FBLN1: variants seen among roughly 807,000 people sequenced by gnomAD.
FBLN1 encodes fibulin-1.
A neutral mutation model predicts 89.7 loss-of-function variants in FBLN1; 34 were observed. The observed-to-expected ratio is 0.38, with a 90% confidence interval of 0.29 to 0.50. FBLN1 has a LOEUF of 0.50. FBLN1 is among the 20% of genes least tolerant of loss of function. The pLI, the probability that FBLN1 is intolerant of heterozygous loss-of-function variation, is 0.92. For missense variants in FBLN1, 777 were observed against 988.1 expected, an observed-to-expected ratio of 0.79 and a Z score of 2.86; for synonymous variants, 393 against 391.3, an observed-to-expected ratio of 1.00 and a Z score of -0.05.
In FBLN1 at chr22:45,524,802, A is replaced by G. The variant is rs1250418949; in HGVS notation, c.186-741A>G. Among the ~76,000 whole-genome samples, 5 of 152,240 alleles carry G rather than the reference A, an allele frequency of 3.3e-5. No individual in the cohort carries two copies. In the South Asian group the frequency reaches 8.3e-4, roughly 25 times the overall value. On this transcript the variant is annotated intron_variant, in intron 2 of 16. Transcript: ENST00000327858. ...TCTGTCTTTCTTTTTTTAAAAAAAG[A>G]GGCCAGGCATGGTAGCTCACGCCTG...
rs2089103287 is a variant in FBLN1 at position 45,588,020 on chromosome 22, C to G, written c.1972+10912C>G. Among the ~76,000 whole-genome samples, 1 of 152,330 alleles carries G rather than the reference C, an allele frequency of 6.6e-6. No individual in the cohort carries two copies. Among genetic ancestry groups the G allele is most frequent in the East Asian group, 1.9e-4 (1 of 5,188 alleles). ...CTGAGGAATGCAGCAGTGACTAAGG[C>G]AGACATGAACGCCTCTCTCATACAC... On this transcript the variant is annotated intron_variant, in intron 16 of 16. Coordinates refer to ENST00000327858, the MANE Select transcript of FBLN1 (RefSeq NM_006486.3). The surrounding 1 kb of genome is among the most constrained non-coding windows in gnomAD (Gnocchi z 5.1).
chr22:45,598,288 T>G (rs2089202901), intron 16 of FBLN1, among the ~76,000 whole-genome samples: 1 of 152,214 alleles, frequency 6.6e-6, no homozygotes, highest in Non-Finnish European at 1.5e-5. Flanking sequence ...CTTTCAGTGT[T>G]GCCACGTGGT....
Position 45,562,828 on chromosome 22 carries a change from C to T in FBLN1, c.1698-11683C>T, listed in dbSNP as rs961520053. ...GCGGCGGGAGGCCCCGCCTGCCAGC[C>T]CCGCATCCCCGCGCTCTGCCGTTTC... On this transcript the variant is annotated intron_variant, in intron 14 of 16. Coordinates refer to ENST00000327858, the MANE Select transcript of FBLN1 (RefSeq NM_006486.3). The surrounding 1 kb of genome is among the most constrained non-coding windows in gnomAD (Gnocchi z 7.8). The T allele has an allele frequency of 2.0e-5, 28 of 1,366,892 alleles. No homozygotes were observed. Among genetic ancestry groups the T allele is most frequent in the African/African-American group, 2.8e-5 (2 of 70,468 alleles). 84.7% of individuals were successfully genotyped at this position (1,366,892 alleles called of 1,614,324 possible).
chr22:45,599,698 A>T (rs1475568814), intron 16 of FBLN1, among the ~76,000 whole-genome samples: 2 of 152,044 alleles, frequency 1.3e-5, no homozygotes, highest in Non-Finnish European at 2.9e-5. Flanking sequence ...CGGGTGGATC[A>T]CCTGAGGTCA....
chr22:45,505,226 G>A (rs1569229891), intron 1 of FBLN1, among the ~76,000 whole-genome samples: 1 of 152,366 alleles, frequency 6.6e-6, no homozygotes, highest in East Asian at 1.9e-4. Flanking sequence ...AGGAAAAGAC[G>A]ATTGTGTTTT....
intron 13 of FBLN1, 32 bp downstream of exon 13, chr22:45,548,776 C>G (rs751652567): frequency 1.2e-6 from 2 of 1,610,492 alleles, no homozygotes; most frequent in East Asian, 2.2e-5. Context: ...GGGTCCCTCA[C>G]GCTCTGCTTG....
rs1439325490 is a variant in FBLN1 at position 45,577,432 on chromosome 22, AC to A, written c.1972+327del. Among the ~76,000 whole-genome samples, 3 of 151,846 alleles carry A rather than the reference AC, an allele frequency of 2.0e-5. 1 individual carries two copies. The highest frequency in any genetic ancestry group is 4.2e-4 in the South Asian group (2 of 4,798). On this transcript the variant is annotated intron_variant, in intron 16 of 16. Coordinates refer to ENST00000327858, the MANE Select transcript of FBLN1 (RefSeq NM_006486.3). The surrounding 1 kb of genome is among the most constrained non-coding windows in gnomAD (Gnocchi z 6.6). Reference sequence around the variant, plus strand: ...ACAACCATGAATTTCAAATGATACCACCCAAGTAAAGTGCTTGTCCTGAGGG... The same window carrying A: ...ACAACCATGAATTTCAAATGATACCACCAAGTAAAGTGCTTGTCCTGAGGG...
In FBLN1 at chr22:45,570,355, GAA is replaced by G. The variant is rs56383142; in HGVS notation, c.1698-4147_1698-4146del. On this transcript the variant is annotated intron_variant, in intron 14 of 16. Transcript: ENST00000327858. The stretch of plus-strand genomic sequence containing the variant: ...AAAAAAAAAAGAAAAGAAAAGAAAA[GAA>G]AAAAAAAAGAAAAAGAAAAAAAGAA... Among the ~76,000 whole-genome samples, 15 of 108,634 alleles carry G rather than the reference GAA, an allele frequency of 1.4e-4. No homozygotes were observed. In the South Asian group the frequency reaches 1.7e-3, roughly 12 times the overall value. 71.3% of individuals were successfully genotyped at this position (108,634 alleles called of 152,430 possible).
rs2089019977 is a variant in FBLN1, at chr22:45,578,819, C to T, written c.1972+1711C>T. Among the ~76,000 whole-genome samples, 1 of 152,240 alleles carries T rather than the reference C, an allele frequency of 6.6e-6. No individual in the cohort carries two copies. Among genetic ancestry groups the T allele is most frequent in the South Asian group, 2.1e-4 (1 of 4,834 alleles). On this transcript the variant is annotated intron_variant, in intron 16 of 16. Coordinates refer to ENST00000327858, the MANE Select transcript of FBLN1 (RefSeq NM_006486.3). This position sits in a 1 kb window ranked among gnomAD's most constrained non-coding sequence, Gnocchi z 4.6. ...ATCCTAGGACCTTCTAGTTCACTCA[C>T]TCATTCTTTCCGTTTCTGAACCCTT... is the stretch of plus-strand genomic sequence containing the variant.
chr22:45,541,141 G>A lies in FBLN1; in HGVS notation c.923-88G>A, dbSNP rs141878091. ...CATTTGTGGTTTTGCAAAGAGGTGG[G>A]AAGGGGAGTTTCTTTGGAGATCCAG... is the stretch of plus-strand genomic sequence containing the variant. On this transcript the variant is annotated intron_variant, in intron 8 of 16. Coordinates refer to ENST00000327858, the MANE Select transcript of FBLN1 (RefSeq NM_006486.3). The A allele has an allele frequency of 7.5e-4, 1,164 of 1,550,548 alleles. 4 individuals carry two copies. The highest frequency in any genetic ancestry group is 4.9e-3 in the Middle Eastern group (27 of 5,512).
intron 1 of FBLN1, among the ~76,000 whole-genome samples, chr22:45,507,158 G>GGGGCTGGGCCTAGAGCT (rs1047437855): frequency 5.9e-5 from 9 of 152,136 alleles, no homozygotes; most frequent in Non-Finnish European, 1.0e-4. Context: ...GAGCGGGGCT[G>GGGGCTGGGCCTAGAGCT]GGGCTGGGCC....
intron 14 of FBLN1, among the ~76,000 whole-genome samples, chr22:45,552,685 C>A (rs1226572175): frequency 6.6e-6 from 1 of 152,200 alleles, no homozygotes; most frequent in Non-Finnish European, 1.5e-5. Flanking sequence ...CGCTGCTGTG[C>A]CTTTCTCTCT....
intron 2 of FBLN1, among the ~76,000 whole-genome samples, chr22:45,521,989 T>C (rs1273339846): frequency 6.6e-6 from 1 of 152,006 alleles, no homozygotes; most frequent in East Asian, 1.9e-4. Flanking sequence ...GCCAGCTCTT[T>C]TTTTTTTTCT....
intron 14 of FBLN1, among the ~76,000 whole-genome samples, chr22:45,554,991 T>G (rs975038731): frequency 1.3e-5 from 2 of 148,924 alleles, no homozygotes; most frequent in Non-Finnish European, 2.9e-5. Flanking sequence ...CCCGTCCCCG[T>G]CTCCACCACA....
At position 45,548,688 on chromosome 22, in the gene FBLN1, A is replaced by G. The variant is rs1338382697; in HGVS notation, c.1517A>G (p.Gln506Arg). ...YRCINIPGSF[Q>R]CSCPSSGYRL... ...TGCATCAACATCCCTGGAAGCTTCC[A>G]GTGCAGCTGCCCCTCGTCTGGCTAC... The change falls in exon 13 of 17, where the codon CAG becomes CGG. Residue 506 changes from glutamine to arginine, a missense_variant. Transcript: ENST00000327858. 1.2e-6 allele frequency: 2 copies of G among 1,613,856 alleles called. No individual in the cohort carries two copies. Among genetic ancestry groups the G allele is most frequent in the Admixed American group, 1.7e-5 (1 of 60,032 alleles).
chr22:45,551,655 G>A (rs1310638994), intron 14 of FBLN1, among the ~76,000 whole-genome samples: 1 of 152,222 alleles, frequency 6.6e-6, no homozygotes, highest in Non-Finnish European at 1.5e-5. Flanking sequence ...TCCTGAGCTT[G>A]GGTTAGGAAA....
chr22:45,503,990 GA>G (rs1222821111), intron 1 of FBLN1, among the ~76,000 whole-genome samples: 1 of 152,162 alleles, frequency 6.6e-6, no homozygotes, highest in African/African-American at 2.4e-5. Flanking sequence ...CCTCTCTGCT[GA>G]CCCGTGGCTT....
chr22:45,597,140 C>G lies in FBLN1; in HGVS notation c.1973-3167C>G, dbSNP rs897089951. On this transcript the variant is annotated intron_variant, in intron 16 of 16. Coordinates refer to ENST00000327858, the MANE Select transcript of FBLN1 (RefSeq NM_006486.3). The surrounding 1 kb of genome is among the most constrained non-coding windows in gnomAD (Gnocchi z 4.2). The stretch of plus-strand genomic sequence containing the variant: ...ACCTCAGCCTCCTGAGTAGCTGGGA[C>G]TATAAGCACACACCACCATGCCTGG... Among the ~76,000 whole-genome samples, 4 of 151,454 alleles carry G rather than the reference C, an allele frequency of 2.6e-5. No individual in the cohort carries two copies. Among genetic ancestry groups the G allele is most frequent in the Middle Eastern group, 3.2e-3 (1 of 316 alleles).
chr22:45,569,076 C>T (rs893027599), intron 14 of FBLN1, among the ~76,000 whole-genome samples: 12 of 152,188 alleles, frequency 7.9e-5, no homozygotes, highest in African/African-American at 2.7e-4. Flanking sequence ...ATTACATCTG[C>T]AATGACCGTA....
Sources: gnomAD v4.1 joint callset for allele counts (sites outside exome capture counted in the v4.1 genomes callset) on GRCh38, gnomAD v4.1.1 for gene constraint, Gnocchi (gnomAD v3.1) non-coding constraint, MANE v1.5 for transcripts, NCBI Gene and HGNC (gene_info 2026-07-23, HGNC 2026-07-21) for gene names.